AKAP6: variants seen among roughly 807,000 people sequenced by gnomAD.
AKAP6 encodes the protein A-kinase anchor protein 6.
Under a neutral mutation model 188.5 loss-of-function variants are expected in AKAP6, and 58 were observed. The ratio of observed to expected loss-of-function variants is 0.31; its 90% CI spans 0.25 to 0.38. AKAP6 has a LOEUF of 0.38. Ranked by LOEUF, AKAP6 falls within the 10% of genes least tolerant of loss-of-function variation. AKAP6 has a pLI of 1.00. For missense variants in AKAP6, 2,710 were observed against 2,740.0 expected (o/e 0.99, Z 0.24); for synonymous variants, 989 against 998.6 (o/e 0.99, Z 0.18).
intron 2 of AKAP6, among the ~76,000 whole-genome samples, chr14:32,527,338 C>G (rs1882183075): frequency 6.6e-6 from 1 of 151,870 alleles, no homozygotes; most frequent in Non-Finnish European, 1.5e-5. Flanking sequence ...CATTCACCTA[C>G]TGAACTCCTT....
chr14:32,449,643 C>G (rs1313074756), intron 2 of AKAP6, among the ~76,000 whole-genome samples: 2 of 152,120 alleles, frequency 1.3e-5, no homozygotes, highest in African/African-American at 4.8e-5. Flanking sequence ...GAAAGAGGCC[C>G]TGCCAATCAA....
intron 7 of AKAP6, among the ~76,000 whole-genome samples, chr14:32,661,997 T>C (rs1888719945): frequency 6.6e-6 from 1 of 152,182 alleles, no homozygotes; most frequent in East Asian, 1.9e-4. Context: ...CTCTCAATGA[T>C]GATTTAAGCA....
At chr14:32,747,019 C>T (rs371621989) in intron 11 of AKAP6, among the ~76,000 whole-genome samples, 68 of 152,212 alleles carry the variant, frequency 4.5e-4, no homozygotes, top group African/African-American at 1.6e-3. Flanking sequence ...TTTACTTTTA[C>T]AGAATAAAGG....
intron 1 of AKAP6, among the ~76,000 whole-genome samples, chr14:32,427,644 T>C (rs1220396044): frequency 2.0e-5 from 3 of 152,188 alleles, no homozygotes; most frequent in Non-Finnish European, 2.9e-5. Context: ...TGGAATCATA[T>C]ACAGGGTACA....
chr14:32,813,399 C>CG lies in AKAP6; in HGVS notation c.3589-8003_3589-8002insG, dbSNP rs1491279957. Among the ~76,000 whole-genome samples the CG allele has an allele frequency of 1.5e-4, 19 of 125,112 alleles. No individual in the cohort carries two copies. In the East Asian group the frequency reaches 2.3e-3, roughly 15 times the overall value. The allele number at this position is 125,112 out of a possible 152,430, so 82.1% of individuals were successfully genotyped here. The stretch of plus-strand genomic sequence containing the variant: ...TTCATCTCTAACCCTACCCCCCCCC[C>CG]CAACCCCTTTCCCAGAGGTCCTTCG... On this transcript the variant is annotated intron_variant, in intron 12 of 13. Transcript: ENST00000280979.
rs1010372501 is a variant in AKAP6, at chr14:32,347,677, A to G, written c.-35+18269A>G. Reference sequence around the variant, plus strand: ...TGAACCCAAATGTAAATGACTCTCAATTCCATGCTGTCTTTGTAATACCAA... The same window carrying G: ...TGAACCCAAATGTAAATGACTCTCAGTTCCATGCTGTCTTTGTAATACCAA... On this transcript the variant is annotated intron_variant, in intron 1 of 13. Coordinates refer to ENST00000280979, the MANE Select transcript of AKAP6 (RefSeq NM_004274.5). 3.9e-5 allele frequency among the ~76,000 whole-genome samples: 6 copies of G among 152,348 alleles called. No homozygotes were observed. The East Asian group carries it at 9.6e-4, about 24-fold the overall frequency.
intron 9 of AKAP6, among the ~76,000 whole-genome samples, chr14:32,716,255 C>T (rs1232543382): frequency 3.3e-5 from 5 of 151,878 alleles, no homozygotes; most frequent in Admixed American, 1.3e-4. Context: ...TAAATGGTTA[C>T]ATATGTATAG....
intron 7 of AKAP6, among the ~76,000 whole-genome samples, chr14:32,632,341 T>A (rs1204476274): frequency 6.6e-5 from 10 of 152,078 alleles, no homozygotes; most frequent in Non-Finnish European, 1.3e-4. Context: ...AATCATTTAT[T>A]CTATGAATGT....
chr14:32,549,568 G>A (rs1245905757), intron 4 of AKAP6, among the ~76,000 whole-genome samples: 1 of 152,146 alleles, frequency 6.6e-6, no homozygotes, highest in Non-Finnish European at 1.5e-5. Context: ...CCACGCCAAG[G>A]CAATTAGAAT....
At chr14:32,420,884 T>C (rs1482320443) in intron 1 of AKAP6, among the ~76,000 whole-genome samples, 1 of 145,126 alleles carries the variant, frequency 6.9e-6, no homozygotes, top group Non-Finnish European at 1.5e-5. Context: ...TGGTATCTTT[T>C]AAGAAAAGTG....
chr14:32,567,001 C>A (rs1037493141), intron 4 of AKAP6, among the ~76,000 whole-genome samples: 2 of 152,096 alleles, frequency 1.3e-5, no homozygotes, highest in Non-Finnish European at 2.9e-5. Context: ...AGAGCTCCTG[C>A]AGCCTGGAAC....
At chr14:32,530,503 T>A (rs1353251321) in intron 2 of AKAP6, among the ~76,000 whole-genome samples, 1 of 152,140 alleles carries the variant, frequency 6.6e-6, no homozygotes, top group Non-Finnish European at 1.5e-5. Context: ...GATTGGCAAT[T>A]TGAGGCACCT....
chr14:32,467,082 A>G (rs1315501402), intron 2 of AKAP6, among the ~76,000 whole-genome samples: 16 of 151,438 alleles, frequency 1.1e-4, no homozygotes. Context: ...GGATGGAAAA[A>G]CTACCTGTTG....
chr14:32,648,976 A>G (rs148110159), intron 7 of AKAP6, among the ~76,000 whole-genome samples: 25 of 152,304 alleles, frequency 1.6e-4, no homozygotes, highest in Admixed American at 6.5e-4. Flanking sequence ...TAAAAATGAC[A>G]TTTTTAATTA....
intron 11 of AKAP6, among the ~76,000 whole-genome samples, chr14:32,763,813 C>CT (rs942481984): frequency 6.6e-6 from 1 of 152,120 alleles, no homozygotes; most frequent in East Asian, 1.9e-4. Context: ...CTGACGTTGT[C>CT]TTTTAAGTTT....
intron 12 of AKAP6, among the ~76,000 whole-genome samples, chr14:32,812,898 ACACT>A (rs1331087511): frequency 6.6e-6 from 1 of 152,244 alleles, no homozygotes. Flanking sequence ...TTCTCTGCAC[ACACT>A]CAGACAGCAA....
chr14:32,561,197 A>G (rs1473518227), intron 4 of AKAP6, among the ~76,000 whole-genome samples: 1 of 152,172 alleles, frequency 6.6e-6, no homozygotes, highest in East Asian at 1.9e-4. Flanking sequence ...GTATGAAACT[A>G]CAAAGAGCAA....
chr14:32,646,117 G>C (rs1009092620), intron 7 of AKAP6, among the ~76,000 whole-genome samples: 9 of 151,898 alleles, frequency 5.9e-5, no homozygotes, highest in Non-Finnish European at 1.3e-4. Flanking sequence ...TAGTTTTGAA[G>C]AAAAGTGAGT....
intron 2 of AKAP6, among the ~76,000 whole-genome samples, chr14:32,477,415 G>A (rs1278129859): frequency 6.6e-6 from 1 of 152,066 alleles, no homozygotes; most frequent in African/African-American, 2.4e-5. Context: ...TGGGAGAGAG[G>A]ATAGCAGGCC....
Sources: gnomAD v4.1 joint callset for allele counts (sites outside exome capture counted in the v4.1 genomes callset) on GRCh38, gnomAD v4.1.1 for gene constraint, MANE v1.5 for transcripts, NCBI Gene and HGNC (gene_info 2026-07-23, HGNC 2026-07-21) for gene names.